The following KALRN variants were observed in gnomAD, a reference collection of about 807,000 sequenced individuals.
KALRN encodes the protein kalirin RhoGEF kinase, also known as kalirin.
A neutral mutation model predicts 353.7 loss-of-function variants in KALRN; 70 were observed. The observed-to-expected ratio is 0.20, with a 90% CI of 0.16 to 0.24. KALRN has a LOEUF of 0.24. Among genes scored for constraint, KALRN ranks in the 10% least tolerant of loss-of-function variants. The pLI is 1.00. For missense variants in KALRN, 2,791 were observed against 3,756.7 expected (o/e 0.74, Z 6.72); for synonymous variants, 1,391 against 1,434.8 (o/e 0.97, Z 0.69).
chr3:124,273,771 A>T (rs1439906913), intron 5 of KALRN, among the ~76,000 whole-genome samples: 1 of 152,212 alleles, frequency 6.6e-6, no homozygotes, highest in African/African-American at 2.4e-5. Flanking sequence ...TTCAGAGATG[A>T]TTCAAACAAT....
intron 1 of KALRN, among the ~76,000 whole-genome samples, chr3:124,176,452 C>T (rs1169920750): frequency 6.6e-6 from 1 of 152,188 alleles, no homozygotes; most frequent in Non-Finnish European, 1.5e-5. Flanking sequence ...TCACCGTTGA[C>T]TGGTGTGTAC....
chr3:124,267,019 G>T (rs2148907667), intron 4 of KALRN, among the ~76,000 whole-genome samples: 1 of 152,244 alleles, frequency 6.6e-6, no homozygotes, highest in Middle Eastern at 3.4e-3. Context: ...GAACAAGCTT[G>T]TCTCTGCCTC....
intron 5 of KALRN, among the ~76,000 whole-genome samples, chr3:124,283,742 G>A (rs1049154663): frequency 1.3e-5 from 2 of 152,230 alleles, no homozygotes; most frequent in East Asian, 1.9e-4. Context: ...GGGCAAGTGC[G>A]AGGAGAGTGG....
At position 124,072,539 on chromosome 3, in the gene KALRN, G is replaced by C. The variant is rs981740317; in HGVS notation, c.73+38726G>C. 2.5e-4 allele frequency among the ~76,000 whole-genome samples: 38 copies of C among 152,128 alleles called. 1 individual carries two copies. Among genetic ancestry groups the C allele is most frequent in the African/African-American group, 8.7e-4 (36 of 41,424 alleles). On this transcript the variant is annotated intron_variant, in intron 1 of 59. Coordinates refer to ENST00000682506, the MANE Select transcript of KALRN (RefSeq NM_001388419.1). The stretch of plus-strand genomic sequence containing the variant: ...TTTAGCCCATAGAGGTTTCCTGGAG[G>C]TAACAGTGAAGCCCATCCTCCCACA...
chr3:124,418,781 G>T (rs1469477374), intron 14 of KALRN, among the ~76,000 whole-genome samples: 1 of 152,186 alleles, frequency 6.6e-6, no homozygotes. Flanking sequence ...GTAGCAGAAG[G>T]AATATCTCTG....
At chr3:124,159,228 C>T (rs527969626) in intron 1 of KALRN, among the ~76,000 whole-genome samples, 36 of 152,302 alleles carry the variant, frequency 2.4e-4, no homozygotes, top group African/African-American at 8.7e-4. Context: ...GCCACACCTC[C>T]CTAACCCTTG....
intron 34 of KALRN, among the ~76,000 whole-genome samples, chr3:124,619,091 A>G (rs1432570745): frequency 6.6e-6 from 1 of 151,286 alleles, no homozygotes; most frequent in African/African-American, 2.4e-5. Flanking sequence ...AGCCCCTGGT[A>G]ACCAGTGTTT....
At chr3:124,531,306 C>A (rs1456793022) in intron 33 of KALRN, among the ~76,000 whole-genome samples, 2 of 152,214 alleles carry the variant, frequency 1.3e-5, no homozygotes, top group East Asian at 3.8e-4. Context: ...AAATAATTTA[C>A]ATTTGGACTC....
intron 33 of KALRN, among the ~76,000 whole-genome samples, chr3:124,536,196 C>CTTTTT (rs34435871): frequency 3.0e-4 from 30 of 99,148 alleles, no homozygotes; most frequent in African/African-American, 9.8e-4. Context: ...CATCCATACT[C>CTTTTT]TTTTTTTTTT....
rs932140842 is a variant in KALRN at position 124,033,872 on chromosome 3, C to A, written c.73+59C>A. ...AAGGCTACTGCCTCGGACGCGGCGTCTCGGACAAGTTTGGGGAAGGAGGGC... is the reference window on the plus strand; with the variant it reads ...AAGGCTACTGCCTCGGACGCGGCGTATCGGACAAGTTTGGGGAAGGAGGGC... On this transcript the variant is annotated intron_variant, in intron 1 of 59. Coordinates refer to ENST00000682506, the MANE Select transcript of KALRN (RefSeq NM_001388419.1). This position sits in a 1 kb window ranked among gnomAD's most constrained non-coding sequence, Gnocchi z 6.2. 4.6e-5 allele frequency among the ~76,000 whole-genome samples: 7 copies of A among 152,148 alleles called. No individual in the cohort carries two copies. The highest frequency in any genetic ancestry group is 2.0e-4 in the Admixed American group (3 of 15,292).
chr3:124,557,721 TG>T (rs2071445226), intron 33 of KALRN, among the ~76,000 whole-genome samples: 1 of 152,168 alleles, frequency 6.6e-6, no homozygotes, highest in African/African-American at 2.4e-5. Context: ...TGGAAGAAGT[TG>T]CAGGGCAGGC....
At chr3:124,204,979 T>C (rs1380500141) in intron 1 of KALRN, among the ~76,000 whole-genome samples, 1 of 151,894 alleles carries the variant, frequency 6.6e-6, no homozygotes, top group Non-Finnish European at 1.5e-5. Context: ...TGTGTCTTTG[T>C]AACATTTGCT....
intron 10 of KALRN, among the ~76,000 whole-genome samples, chr3:124,366,659 C>T (rs1300153241): frequency 6.6e-6 from 1 of 152,058 alleles, no homozygotes; most frequent in Non-Finnish European, 1.5e-5. Context: ...CCACCTTTCC[C>T]CCCTTTCTAT....
At chr3:124,085,884 T>A (rs2060791187) in intron 1 of KALRN, among the ~76,000 whole-genome samples, 2 of 152,248 alleles carry the variant, frequency 1.3e-5, no homozygotes, top group South Asian at 4.1e-4. Context: ...CATAGTGAAA[T>A]ACATATTGAT....
intron 1 of KALRN, among the ~76,000 whole-genome samples, chr3:124,097,441 C>G (rs2061527982): frequency 6.6e-6 from 1 of 152,134 alleles, no homozygotes; most frequent in Admixed American, 6.5e-5. Flanking sequence ...CTTATGTCAT[C>G]TTGAAAGTAA....
In KALRN at chr3:124,120,711, AATATATATATATATATATAT is replaced by A. The variant is rs368470724; in HGVS notation, c.73+86913_73+86932del. On this transcript the variant is annotated intron_variant, in intron 1 of 59. Coordinates refer to ENST00000682506, the MANE Select transcript of KALRN (RefSeq NM_001388419.1). Reference sequence around the variant, plus strand: ...TTACAATCCAGATAGGAATACTAAAAATATATATATATATATATATATATATATATATATTTTCACATAAT... The same window carrying A: ...TTACAATCCAGATAGGAATACTAAAAATATATATATATATTTTCACATAAT... Among the ~76,000 whole-genome samples, 27 of 98,946 alleles carry A rather than the reference AATATATATATATATATATAT, an allele frequency of 2.7e-4. 1 individual carries two copies. Among genetic ancestry groups the A allele is most frequent in the African/African-American group, 9.8e-4 (23 of 23,502 alleles). 64.9% of individuals were successfully genotyped at this position (98,946 alleles called of 152,430 possible).
chr3:124,240,062 G>A (rs7648444), intron 3 of KALRN, among the ~76,000 whole-genome samples: 2,849 of 152,210 alleles, frequency 0.019, 89 homozygotes, highest in African/African-American at 0.064. Context: ...TAATTTCTAT[G>A]TATAAACAAG....
intron 6 of KALRN, among the ~76,000 whole-genome samples, chr3:124,300,620 G>A (rs76287823): frequency 0.04 from 6,081 of 152,298 alleles, 177 homozygotes; most frequent in Middle Eastern, 0.075. Flanking sequence ...TGAAGTGGCT[G>A]GGGACATTGT....
chr3:124,717,644 C>A (rs536600285), intron 59 of KALRN, among the ~76,000 whole-genome samples: 6 of 151,328 alleles, frequency 4.0e-5, no homozygotes, highest in African/African-American at 1.5e-4. Context: ...TGCAGTGAGC[C>A]GAGATCGCGC....
Sources: gnomAD v4.1 joint callset for allele counts (sites outside exome capture counted in the v4.1 genomes callset) on GRCh38, gnomAD v4.1.1 for gene constraint, Gnocchi (gnomAD v3.1) non-coding constraint, MANE v1.5 for transcripts, NCBI Gene and HGNC (gene_info 2026-07-23, HGNC 2026-07-21) for gene names.